The following LPA variants were observed in gnomAD, a reference collection of about 807,000 sequenced individuals.
The protein encoded by LPA is apolipoprotein(a).
LPA carries 199 observed loss-of-function variants against 197.9 expected under a neutral mutation model. That is an observed-to-expected ratio of 1.01 (90% CI 0.90 to 1.13). The LOEUF is 1.13. LPA is among the 50% of genes most tolerant of loss of function. LPA has a pLI of 0.00. For synonymous variants in LPA, 715 were observed against 639.5 expected (o/e 1.12, Z -1.78); for missense variants, 1,853 against 1,785.8 (o/e 1.04, Z -0.68).
chr6:160,566,062 A>G (rs1778449147), intron 28 of LPA, among the ~76,000 whole-genome samples: 1 of 152,212 alleles, frequency 6.6e-6, no homozygotes. Flanking sequence ...TGCTTGGTGT[A>G]CCTGAAAGTG....
At chr6:160,649,054 A>C (rs1348338983) in intron 2 of LPA, among the ~76,000 whole-genome samples, 1 of 152,210 alleles carries the variant, frequency 6.6e-6, no homozygotes, top group Non-Finnish European at 1.5e-5. Flanking sequence ...TTTTCCTCTC[A>C]GAGGCAGTTC....
intron 2 of LPA, among the ~76,000 whole-genome samples, chr6:160,647,451 G>C (rs770177426): frequency 6.6e-6 from 1 of 151,998 alleles, no homozygotes; most frequent in African/African-American, 2.4e-5. Flanking sequence ...TGTCTCTAGT[G>C]GCTCTACACA....
At chr6:160,610,959 T>G (rs532286344) in intron 16 of LPA, among the ~76,000 whole-genome samples, 9 of 152,272 alleles carry the variant, frequency 5.9e-5, no homozygotes, top group African/African-American at 2.2e-4. Flanking sequence ...AGGGCTTCTA[T>G]CCATCTACCC....
chr6:160,659,982 A>G (rs1780197361), intron 1 of LPA, among the ~76,000 whole-genome samples: 2 of 132,946 alleles, frequency 1.5e-5, no homozygotes, highest in South Asian at 2.2e-4. Context: ...CTAAAGAAAT[A>G]CTTTTTAAAA....
Position 160,606,451 on chromosome 6 carries a change from T to C in LPA, c.2785+26A>G, listed in dbSNP as rs774526529. ...CTTTTCATCCCAGCATCGAAACGTG[T>C]AGGTTTCTGGCCACAGGCTCCTTAC... is the stretch of plus-strand genomic sequence containing the variant. On this transcript the variant is annotated intron_variant, in intron 17 of 38. Transcript: ENST00000316300. The C allele has an allele frequency of 5.0e-6, 8 of 1,612,392 alleles. No homozygotes were observed. The South Asian group carries it at 8.8e-5, about 18-fold the overall frequency.
chr6:160,606,055 G>A (rs539095603), intron 17 of LPA, among the ~76,000 whole-genome samples: 128 of 152,290 alleles, frequency 8.4e-4, no homozygotes, highest in Non-Finnish European at 1.4e-3. Context: ...TCTCAAGGGT[G>A]ACAGGCTCCA....
At position 160,598,721 on chromosome 6, in the gene LPA, T is replaced by C. The variant is rs527547016; in HGVS notation, c.3287+779A>G. On this transcript the variant is annotated intron_variant, in intron 20 of 38. Transcript: ENST00000316300. The stretch of plus-strand genomic sequence containing the variant: ...TTCTCCTCTGGGCAGACCGTATCTC[T>C]TCAGACCACTGGTGCTCAGGACCAA... Among the ~76,000 whole-genome samples, 3 of 152,344 alleles carry C rather than the reference T, an allele frequency of 2.0e-5. No homozygotes were observed. The South Asian group carries it at 6.2e-4, about 32-fold the overall frequency.
rs41267811 is a variant in LPA, at chr6:160,548,552, G to C, written c.5081C>G (p.Ser1694Ter). The change falls in exon 31 of 39, where the codon TCA (serine) becomes TGA (stop). Residue 1694 changes from serine (S) to a stop codon, truncating the protein, a stop_gained. Coordinates refer to ENST00000316300, the MANE Select transcript of LPA (RefSeq NM_005577.4). LOFTEE classifies it high-confidence loss of function. ...AGCGACCACAGTCCCTTCTGTGTCT[G>C]AGCATCGCGTCAGGTTGCAGTACTC... ...RWEYCNLTRCSDTEGTVVAPP... is the reference protein window; with the variant it reads ...RWEYCNLTRC 2.1e-4 allele frequency: 336 copies of C among 1,614,122 alleles called. No individual in the cohort carries two copies. The highest frequency in any genetic ancestry group is 3.3e-4 in the Admixed American group (20 of 60,030).
chr6:160,661,618 A>C (rs1046468353), intron 1 of LPA, among the ~76,000 whole-genome samples: 1 of 152,148 alleles, frequency 6.6e-6, no homozygotes, highest in African/African-American at 2.4e-5. Context: ...GTCCTTCCTC[A>C]ATTTAATATG....
intron 34 of LPA, among the ~76,000 whole-genome samples, chr6:160,542,158 G>A (rs1388320723): frequency 1.3e-5 from 2 of 152,084 alleles, no homozygotes; most frequent in Non-Finnish European, 2.9e-5. Flanking sequence ...CTGTGGGTTC[G>A]GACTGATTAC....
chr6:160,589,980 C>A (rs1778994423), intron 23 of LPA, among the ~76,000 whole-genome samples: 1 of 152,192 alleles, frequency 6.6e-6, no homozygotes, highest in South Asian at 2.1e-4. Flanking sequence ...CACTCATGTG[C>A]CTGTTCTTTG....
intron 1 of LPA, among the ~76,000 whole-genome samples, chr6:160,660,134 C>T (rs1780200650): frequency 6.6e-6 from 1 of 152,210 alleles, no homozygotes; most frequent in Non-Finnish European, 1.5e-5. Flanking sequence ...GGCTGCATTG[C>T]TTCTTGCCAC....
intron 28 of LPA, among the ~76,000 whole-genome samples, chr6:160,564,978 G>A (rs1249385255): frequency 1.3e-5 from 2 of 152,190 alleles, no homozygotes; most frequent in Non-Finnish European, 2.9e-5. Flanking sequence ...CTGGGGGAGG[G>A]GCGTCTGCCA....
At chr6:160,568,169 T>G (rs1254585487) in intron 28 of LPA, among the ~76,000 whole-genome samples, 1 of 152,182 alleles carries the variant, frequency 6.6e-6, no homozygotes, top group Admixed American at 6.5e-5. Flanking sequence ...TACCAAATCC[T>G]GGCAGAGACA....
intron 30 of LPA, among the ~76,000 whole-genome samples, chr6:160,553,386 T>C (rs1457410493): frequency 1.3e-5 from 2 of 152,204 alleles, no homozygotes; most frequent in Non-Finnish European, 2.9e-5. Flanking sequence ...AAACATTCTT[T>C]TGTTTTTTTG....
chr6:160,611,366 C>A (rs1317248412), intron 16 of LPA, among the ~76,000 whole-genome samples, 196 bp downstream of exon 16: 1 of 152,024 alleles, frequency 6.6e-6, no homozygotes, highest in African/African-American at 2.4e-5. Flanking sequence ...CTCCACAAAA[C>A]TAGGAGGAAG....
intron 1 of LPA, among the ~76,000 whole-genome samples, chr6:160,652,109 G>C (rs941931978): frequency 8.9e-5 from 13 of 145,894 alleles, no homozygotes; most frequent in Non-Finnish European, 1.8e-4. Flanking sequence ...GAAGAATACA[G>C]AGAGAGAGAA....
intron 28 of LPA, among the ~76,000 whole-genome samples, chr6:160,557,922 ATTTT>A (rs35457795): frequency 1.4e-5 from 2 of 143,588 alleles, no homozygotes; most frequent in African/African-American, 5.1e-5. Context: ...TGCATTTTAG[ATTTT>A]TTTTTTTTTT....
chr6:160,604,944 C>G, intron 18 of LPA, 102 bp downstream of exon 18: 5 of 1,547,216 alleles, frequency 3.2e-6, no homozygotes, highest in Non-Finnish European at 4.4e-6. Context: ...CACTGTTCAT[C>G]TGAGACAACT....
Sources: allele counts gnomAD v4.1 joint callset (sites outside exome capture counted in the v4.1 genomes callset), GRCh38; gene constraint gnomAD v4.1.1; transcripts MANE v1.5; gene names NCBI Gene and HGNC (gene_info 2026-07-23, HGNC 2026-07-21).